Variants in CUX2 observed in about 807,000 individuals in gnomAD.
The protein encoded by CUX2 is cut like homeobox 2, also known as homeobox protein cut-like 2.
A neutral mutation model predicts 144.8 loss-of-function variants in CUX2; 40 were observed. The ratio of observed to expected loss-of-function variants is 0.28; its 90% CI spans 0.21 to 0.36. CUX2 has a LOEUF of 0.36. CUX2 is among the 10% of genes least tolerant of loss of function. CUX2 has a pLI of 1.00. For synonymous variants in CUX2, 827 were observed against 875.6 expected, an observed-to-expected ratio of 0.94 and a Z score of 0.98; for missense variants, 1,615 against 1,994.0, an observed-to-expected ratio of 0.81 and a Z score of 3.62.
chr12:111,089,101 A>G (rs1418435897), intron 1 of CUX2, among the ~76,000 whole-genome samples: 1 of 152,190 alleles, frequency 6.6e-6, no homozygotes, highest in Middle Eastern at 3.2e-3. Flanking sequence ...GGATATTCCA[A>G]GTGGAGATGC....
chr12:111,241,316 C>T (rs549193663), intron 3 of CUX2, among the ~76,000 whole-genome samples: 7 of 152,156 alleles, frequency 4.6e-5, no homozygotes, highest in African/African-American at 1.4e-4. Flanking sequence ...CACTAGGCCC[C>T]GACTCCCAAT....
chr12:111,104,890 T>G (rs1342312964), intron 1 of CUX2, among the ~76,000 whole-genome samples: 1 of 152,012 alleles, frequency 6.6e-6, no homozygotes. Flanking sequence ...CCTCAGAGAA[T>G]GTGGATGCTT....
intron 1 of CUX2, among the ~76,000 whole-genome samples, chr12:111,193,465 T>TG (rs913137350): frequency 6.6e-6 from 1 of 152,302 alleles, no homozygotes; most frequent in African/African-American, 2.4e-5. Context: ...GGATAGCTGT[T>TG]GGGGGGGAGA....
At chr12:111,087,366 C>CAAAA (rs1159500448) in intron 1 of CUX2, among the ~76,000 whole-genome samples, 417 of 44,164 alleles carry the variant, frequency 9.4e-3, no homozygotes, top group Non-Finnish European at 0.018. Flanking sequence ...GACTCCATCT[C>CAAAA]AAAAAAAAAA....
At chr12:111,099,639 G>A in intron 1 of CUX2, 1 of 456,760 alleles carries the variant, frequency 2.2e-6, no homozygotes, top group South Asian at 1.5e-5. Flanking sequence ...TGGCTGGGGT[G>A]AGATGGAGTC....
chr12:111,096,136 C>A (rs1336774583), intron 1 of CUX2, among the ~76,000 whole-genome samples: 1 of 152,174 alleles, frequency 6.6e-6, no homozygotes, highest in Non-Finnish European at 1.5e-5. Flanking sequence ...ACCGAGCCCC[C>A]CATCAGCAGG....
intron 19 of CUX2, among the ~76,000 whole-genome samples, chr12:111,337,580 G>C (rs1286130450): frequency 6.6e-6 from 1 of 152,192 alleles, no homozygotes; most frequent in Non-Finnish European, 1.5e-5. Context: ...GGCAAGTGCA[G>C]CTATCCCAGG....
chr12:111,186,968 G>A lies in CUX2; in HGVS notation c.64-27232G>A, dbSNP rs1879575801. 6.6e-6 allele frequency among the ~76,000 whole-genome samples: 1 copy of A among 152,030 alleles called. No individual in the cohort carries two copies. Among genetic ancestry groups the A allele is most frequent in the Non-Finnish European group, 1.5e-5 (1 of 68,012 alleles). ...TAATTTTTGTATTTTTGGTAGAGAT[G>A]GGGTTTTGCCATGTTGGCGAGGCTG... On this transcript the variant is annotated intron_variant, in intron 1 of 21. Transcript: ENST00000261726. The surrounding 1 kb of genome is among the most constrained non-coding windows in gnomAD (Gnocchi z 4.4).
intron 1 of CUX2, among the ~76,000 whole-genome samples, chr12:111,148,130 G>C (rs1393910411): frequency 6.6e-6 from 1 of 152,184 alleles, no homozygotes; most frequent in Non-Finnish European, 1.5e-5. Context: ...AGTAACCCAG[G>C]TTGCCATCGG....
chr12:111,229,572 G>A (rs75997325), intron 3 of CUX2, among the ~76,000 whole-genome samples: 336 of 152,214 alleles, frequency 2.2e-3, no homozygotes, highest in African/African-American at 7.8e-3. Context: ...TATCCTGGGG[G>A]GATGGGTGAA....
Position 111,178,088 on chromosome 12 carries a change from CA to C in CUX2, c.64-36111del. 6.6e-6 allele frequency among the ~76,000 whole-genome samples: 1 copy of C among 152,300 alleles called. No homozygotes were observed. The highest frequency in any genetic ancestry group is 2.1e-4 in the South Asian group (1 of 4,814). The stretch of plus-strand genomic sequence containing the variant: ...TTCTGTGTAAAAACACTGGGTCGAG[CA>C]TCTTTTTTCCAGAAACCCTGGGGTT... On this transcript the variant is annotated intron_variant, in intron 1 of 21. Coordinates refer to ENST00000261726, the MANE Select transcript of CUX2 (RefSeq NM_015267.4). The surrounding 1 kb of genome is among the most constrained non-coding windows in gnomAD (Gnocchi z 5.7).
chr12:111,144,400 G>A (rs545833858), intron 1 of CUX2, among the ~76,000 whole-genome samples: 1 of 152,268 alleles, frequency 6.6e-6, no homozygotes, highest in South Asian at 2.1e-4. Context: ...GCCTCTGCCT[G>A]GCCTTTATCC....
intron 1 of CUX2, among the ~76,000 whole-genome samples, chr12:111,169,335 G>A (rs1878365540): frequency 6.6e-6 from 1 of 152,174 alleles, no homozygotes; most frequent in Admixed American, 6.5e-5. Flanking sequence ...CCCACACCTT[G>A]ATTTCAGACT....
At chr12:111,215,683 A>G (rs1284759896) in intron 2 of CUX2, among the ~76,000 whole-genome samples, 2 of 152,192 alleles carry the variant, frequency 1.3e-5, no homozygotes, top group East Asian at 1.9e-4. Flanking sequence ...ACTCCCCAGA[A>G]TGAGGTTACC....
At chr12:111,158,117 C>T (rs988176057) in intron 1 of CUX2, among the ~76,000 whole-genome samples, 11 of 152,062 alleles carry the variant, frequency 7.2e-5, no homozygotes, top group East Asian at 1.9e-4. Flanking sequence ...AACGATGGAA[C>T]GGATAATAGA....
At chr12:111,075,737 C>T (rs1871498262) in intron 1 of CUX2, among the ~76,000 whole-genome samples, 1 of 152,270 alleles carries the variant, frequency 6.6e-6, no homozygotes, top group African/African-American at 2.4e-5. Context: ...GCTTATAAGT[C>T]TCATTATTTG....
chr12:111,095,447 A>T (rs1339177785), intron 1 of CUX2, among the ~76,000 whole-genome samples: 1 of 152,074 alleles, frequency 6.6e-6, no homozygotes, highest in Non-Finnish European at 1.5e-5. Flanking sequence ...CAAGAGAGTG[A>T]GACCCTATCT....
At chr12:111,109,580 G>A (rs1055706741) in intron 1 of CUX2, among the ~76,000 whole-genome samples, 4 of 152,116 alleles carry the variant, frequency 2.6e-5, no homozygotes, top group African/African-American at 9.7e-5. Context: ...TCCCACCTCA[G>A]TCTTGGACTC....
At chr12:111,079,838 C>T (rs945288850) in intron 1 of CUX2, among the ~76,000 whole-genome samples, 6 of 152,116 alleles carry the variant, frequency 3.9e-5, no homozygotes, top group African/African-American at 9.7e-5. Flanking sequence ...GGTGGGAGGA[C>T]GCCTCACTTC....
Sources: allele counts gnomAD v4.1 joint callset (sites outside exome capture counted in the v4.1 genomes callset), GRCh38; gene constraint gnomAD v4.1.1; non-coding constraint Gnocchi (gnomAD v3.1); transcripts MANE v1.5; gene names NCBI Gene and HGNC (gene_info 2026-07-23, HGNC 2026-07-21).